Variants in IMMP2L observed in about 807,000 individuals in gnomAD.
IMMP2L encodes the protein mitochondrial inner membrane protease subunit 2.
IMMP2L carries 18 observed loss-of-function variants against 19.3 expected under a neutral mutation model. The ratio of observed to expected loss-of-function variants is 0.93; its 90% CI spans 0.64 to 1.38. The LOEUF (loss-of-function observed/expected upper bound fraction) is 1.38. IMMP2L is among the 40% of genes most tolerant of loss of function. IMMP2L has a pLI of 0.00. For synonymous variants in IMMP2L, 76 were observed against 73.0 expected, an observed-to-expected ratio of 1.04 and a Z score of -0.21; for missense variants, 233 against 218.2, an observed-to-expected ratio of 1.07 and a Z score of -0.43.
At chr7:111,261,186 G>A (rs1817274786) in intron 3 of IMMP2L, among the ~76,000 whole-genome samples, 1 of 151,958 alleles carries the variant, frequency 6.6e-6, no homozygotes, top group Admixed American at 6.6e-5. Context: ...TTTAAGTATA[G>A]GATAAAGATG....
At chr7:111,000,927 T>C (rs183093859) in intron 3 of IMMP2L, among the ~76,000 whole-genome samples, 7 of 152,036 alleles carry the variant, frequency 4.6e-5, no homozygotes, top group Admixed American at 3.3e-4. Flanking sequence ...GACATTCTTG[T>C]TTGTTTTGCA....
chr7:111,192,305 G>C (rs761429265), intron 3 of IMMP2L, among the ~76,000 whole-genome samples: 38 of 152,132 alleles, frequency 2.5e-4, no homozygotes, highest in Non-Finnish European at 4.4e-4. Context: ...ACTACACCAT[G>C]ATATAAGTAT....
rs60703760 is a variant in IMMP2L, at chr7:111,556,018, G to A, written c.-3+5833C>T. On this transcript the variant is annotated intron_variant, in intron 1 of 5. Coordinates refer to ENST00000405709, the MANE Select transcript of IMMP2L (RefSeq NM_032549.4). Reference sequence around the variant, plus strand: ...TTAGCCATCCCTCTTCTGTGTGCATGTATATATATATATATATACATACCC... The same window carrying A: ...TTAGCCATCCCTCTTCTGTGTGCATATATATATATATATATATACATACCC... Among the ~76,000 whole-genome samples, 270 of 91,364 alleles carry A rather than the reference G, an allele frequency of 3.0e-3. 10 individuals are homozygous for A. Among genetic ancestry groups the A allele is most frequent in the South Asian group, 0.011 (26 of 2,362 alleles). The allele number at this position is 91,364 out of a possible 152,430, so 59.9% of individuals were successfully genotyped here.
intron 3 of IMMP2L, among the ~76,000 whole-genome samples, chr7:111,014,478 GA>G (rs1409411760): frequency 2.6e-5 from 4 of 151,952 alleles, no homozygotes; most frequent in Non-Finnish European, 5.9e-5. Context: ...TTGAATCACT[GA>G]ACTCTGTTTT....
At chr7:111,065,562 C>T (rs1041461256) in intron 3 of IMMP2L, among the ~76,000 whole-genome samples, 1 of 152,140 alleles carries the variant, frequency 6.6e-6, no homozygotes, top group African/African-American at 2.4e-5. Context: ...AAGGCAGACC[C>T]ACTCTTAATT....
intron 3 of IMMP2L, among the ~76,000 whole-genome samples, chr7:111,160,812 C>T (rs1362102508): frequency 3.4e-5 from 5 of 148,234 alleles, no homozygotes; most frequent in African/African-American, 1.2e-4. Flanking sequence ...AATCACAAAA[C>T]AAAAAGTTAA....
At chr7:110,939,539 A>C (rs1231455611) in intron 4 of IMMP2L, among the ~76,000 whole-genome samples, 3 of 152,150 alleles carry the variant, frequency 2.0e-5, no homozygotes, top group African/African-American at 7.2e-5. Context: ...CTGTAAAGTT[A>C]GTGTTGACAA....
At chr7:111,431,912 C>T (rs113786951) in intron 3 of IMMP2L, among the ~76,000 whole-genome samples, 4 of 151,360 alleles carry the variant, frequency 2.6e-5, no homozygotes, top group African/African-American at 9.8e-5. Context: ...TATACTTTTT[C>T]CAAACTTTCC....
chr7:111,423,324 G>A (rs1226694003), intron 3 of IMMP2L, among the ~76,000 whole-genome samples: 1 of 151,690 alleles, frequency 6.6e-6, no homozygotes, highest in African/African-American at 2.4e-5. Context: ...GGTAGAATTC[G>A]GCTGTGAATC....
intron 3 of IMMP2L, among the ~76,000 whole-genome samples, chr7:111,273,211 A>G (rs1184086099): frequency 6.6e-6 from 1 of 151,988 alleles, no homozygotes; most frequent in Non-Finnish European, 1.5e-5. Flanking sequence ...CAGGAGGCGG[A>G]GGTTGCAGTG....
intron 5 of IMMP2L, among the ~76,000 whole-genome samples, chr7:110,810,011 T>C (rs1040353556): frequency 6.6e-6 from 1 of 151,986 alleles, no homozygotes; most frequent in African/African-American, 2.4e-5. Flanking sequence ...CTCTAAGAGG[T>C]TGGTGGCTGG....
chr7:111,282,996 A>G lies in IMMP2L; in HGVS notation c.239+204242T>C, dbSNP rs1584442107. On this transcript the variant is annotated intron_variant, in intron 3 of 5. Transcript: ENST00000405709. ...CTAATCTAACAGACATCAGTAGAAT[A>G]CTCCATCCACAACACCTGAATATAC... 2.0e-5 allele frequency among the ~76,000 whole-genome samples: 3 copies of G among 152,162 alleles called. No homozygotes were observed. The South Asian group carries it at 6.2e-4, about 32-fold the overall frequency.
At chr7:110,824,061 A>C (rs1273077456) in intron 5 of IMMP2L, among the ~76,000 whole-genome samples, 1 of 152,148 alleles carries the variant, frequency 6.6e-6, no homozygotes, top group East Asian at 1.9e-4. Context: ...TAATAATTAC[A>C]TACATAATGC....
intron 3 of IMMP2L, among the ~76,000 whole-genome samples, chr7:111,249,956 A>T (rs1815893597): frequency 6.6e-6 from 1 of 152,194 alleles, no homozygotes; most frequent in Non-Finnish European, 1.5e-5. Context: ...GGAAGAGAAG[A>T]AGTCAAATTA....
At chr7:111,029,293 C>T (rs1337089708) in intron 3 of IMMP2L, among the ~76,000 whole-genome samples, 2 of 152,132 alleles carry the variant, frequency 1.3e-5, no homozygotes, top group African/African-American at 4.8e-5. Context: ...CTGGTTTCAG[C>T]TCACTGGGAG....
intron 4 of IMMP2L, among the ~76,000 whole-genome samples, chr7:110,895,170 C>T (rs1811198970): frequency 6.6e-6 from 1 of 152,058 alleles, no homozygotes; most frequent in Non-Finnish European, 1.5e-5. Context: ...AGGGTAACTC[C>T]CACTTTTTAA....
chr7:111,551,495 G>GATGT (rs1849449528), intron 1 of IMMP2L, among the ~76,000 whole-genome samples: 1 of 145,248 alleles, frequency 6.9e-6, no homozygotes. Flanking sequence ...GACTGTTAGA[G>GATGT]GTGTGTGTGT....
chr7:111,238,266 T>A (rs538929094), intron 3 of IMMP2L, among the ~76,000 whole-genome samples: 1 of 151,998 alleles, frequency 6.6e-6, no homozygotes, highest in South Asian at 2.1e-4. Flanking sequence ...TATTACAGGG[T>A]AGAGAAGGTG....
Position 111,123,623 on chromosome 7 carries a change from T to C in IMMP2L, c.240-160058A>G, listed in dbSNP as rs1392674613. ...CGAAGGGGTGATTTTAGCAATATGC[T>C]ACACTTAAAAGAGTTGGGGATAAAT... On this transcript the variant is annotated intron_variant, in intron 3 of 5. Transcript: ENST00000405709. The surrounding 1 kb of genome is among the most constrained non-coding windows in gnomAD (Gnocchi z 6.4). 1.9e-6 allele frequency: 3 copies of C among 1,613,774 alleles called. No individual in the cohort carries two copies. The highest frequency in any genetic ancestry group is 1.7e-5 in the Admixed American group (1 of 59,934).
Sources: gnomAD v4.1 joint callset for allele counts (sites outside exome capture counted in the v4.1 genomes callset) on GRCh38, gnomAD v4.1.1 for gene constraint, Gnocchi (gnomAD v3.1) non-coding constraint, MANE v1.5 for transcripts, NCBI Gene and HGNC (gene_info 2026-07-23, HGNC 2026-07-21) for gene names.